Variants in RAPGEF3 observed in about 807,000 individuals in gnomAD.
The protein encoded by RAPGEF3 is 9330170P05Rik.
In RAPGEF3, 103 loss-of-function variants were observed where a neutral mutation model predicts 129.8. The observed-to-expected ratio is 0.79, with a 90% CI of 0.68 to 0.93. RAPGEF3 has a LOEUF of 0.93. RAPGEF3 is among the 40% of genes least tolerant of loss of function. RAPGEF3 has a pLI of 0.00. For missense variants in RAPGEF3, 1,117 were observed against 1,207.4 expected (o/e 0.93, Z 1.11); for synonymous variants, 436 against 482.6 (o/e 0.90, Z 1.26).
intron 16 of RAPGEF3, 22 bp downstream of exon 16, chr12:47,746,838 G>C (rs1941449877): frequency 6.3e-7 from 1 of 1,583,052 alleles, no homozygotes; most frequent in Non-Finnish European, 8.6e-7. Context: ...GCAGAGGAAA[G>C]AAACTGGGGC....
intron 2 of RAPGEF3, among the ~76,000 whole-genome samples, chr12:47,754,805 G>A (rs922309569): frequency 5.9e-5 from 9 of 152,174 alleles, no homozygotes; most frequent in African/African-American, 2.2e-4. Flanking sequence ...CAGCTGATAT[G>A]AGTCAAGGTG....
intron 12 of RAPGEF3, 120 bp from the exon 13 acceptor site, chr12:47,748,272 G>A: frequency 9.9e-7 from 1 of 1,012,134 alleles, no homozygotes; most frequent in Non-Finnish European, 1.5e-6. Context: ...TCCCAGCAGT[G>A]TCCAGCCCCT....
At position 47,748,806 on chromosome 12, in the gene RAPGEF3, G is replaced by A; in HGVS notation, c.1154+13C>T. 6.5e-7 allele frequency: 1 copy of A among 1,545,436 alleles called. No homozygotes were observed. The highest frequency in any genetic ancestry group is 1.1e-5 in the South Asian group (1 of 89,790). On this transcript the variant is annotated intron_variant, in intron 11 of 27. Transcript: ENST00000449771. ...AGGGACAGTGTGGAGAGGGAGCATG[G>A]CAGGTGTATTACCGGTTCCTGCCTG...
Position 47,749,834 on chromosome 12 carries a change from T to A in RAPGEF3, c.818-17A>T. On this transcript the variant is annotated splice_polypyrimidine_tract_variant and intron_variant, in intron 8 of 27. Coordinates refer to ENST00000449771, the MANE Select transcript of RAPGEF3 (RefSeq NM_001098531.4). The surrounding 1 kb of genome is among the most constrained non-coding windows in gnomAD (Gnocchi z 4.5). ...GGCTGAACACTGACAGAAGCATACC[T>A]CAGACCGGGCCCTCCTGGCACCTAC... 6.2e-7 allele frequency: 1 copy of A among 1,614,128 alleles called. No individual in the cohort carries two copies. The highest frequency in any genetic ancestry group is 8.5e-7 in the Non-Finnish European group (1 of 1,179,990).
chr12:47,737,495 A>AGTATCTT lies in RAPGEF3; in HGVS notation c.*65_*71dup. 2 of 1,372,828 alleles carry AGTATCTT rather than the reference A, an allele frequency of 1.5e-6. No individual in the cohort carries two copies. The highest frequency in any genetic ancestry group is 1.2e-5 in the South Asian group (1 of 81,798). 85.0% of individuals were successfully genotyped at this position (1,372,828 alleles called of 1,614,324 possible). On this transcript the variant is annotated 3_prime_UTR_variant, in exon 28 of 28. Coordinates refer to ENST00000449771, the MANE Select transcript of RAPGEF3 (RefSeq NM_001098531.4). The stretch of plus-strand genomic sequence containing the variant: ...CTTGCCCAGCTGTGGCCAGCCTGTG[A>AGTATCTT]GTATCTTGGCCCGGCACACCCTGGC...
Position 47,741,000 on chromosome 12 carries a change from G to C in RAPGEF3, c.1964C>G (p.Ala655Gly). 6.2e-7 allele frequency: 1 copy of C among 1,613,118 alleles called. No individual in the cohort carries two copies. The highest frequency in any genetic ancestry group is 2.2e-5 in the East Asian group (1 of 44,858). The change falls in exon 20 of 28, where the codon GCT becomes GGT. Residue 655 changes from alanine (A) to glycine (G), a missense_variant. Ala to Gly is a moderately conservative substitution (Grantham distance 60). Around this residue, in one of 3 missense-constraint regions of RAPGEF3, gnomAD observed 643 missense variants for 673.4 expected, o/e 0.95. Coordinates refer to ENST00000449771, the MANE Select transcript of RAPGEF3 (RefSeq NM_001098531.4). ...GGCACTCACCAGGTCCAGCCCCTCAGCAGAGCCCACAGTGGGCCCCAGCTG... is the reference window on the plus strand; with the variant it reads ...GGCACTCACCAGGTCCAGCCCCTCACCAGAGCCCACAGTGGGCCCCAGCTG... ...PDQLGPTVGS[A>G]EGLDLVSAKD... is the part of the protein sequence containing the mutation.
At chr12:47,741,241 C>T (rs967548588) in intron 19 of RAPGEF3, 40 of 761,932 alleles carry the variant, frequency 5.2e-5, no homozygotes, top group Non-Finnish European at 7.6e-5. Context: ...CTTTTGGGCT[C>T]CTGTCTCCTG....
chr12:47,743,260 G>A (rs887324252), intron 18 of RAPGEF3, among the ~76,000 whole-genome samples: 1 of 152,236 alleles, frequency 6.6e-6, no homozygotes, highest in Non-Finnish European at 1.5e-5. Context: ...ACTGAGCACA[G>A]AGGGATGAAG....
In RAPGEF3 at chr12:47,737,453, T is replaced by A. The variant is rs115501560; in HGVS notation, c.*114A>T. The A allele has an allele frequency of 8.3e-3, 7,257 of 873,028 alleles. 330 individuals carry two copies. In the African/African-American group the frequency reaches 0.1, roughly 13 times the overall value. 54.1% of individuals were successfully genotyped at this position (873,028 alleles called of 1,614,324 possible). A position where few individuals can be genotyped will look rare whatever the true frequency, so the allele number is the denominator to read the frequency against. On this transcript the variant is annotated 3_prime_UTR_variant, in exon 28 of 28. Transcript: ENST00000449771. ...ACACTGCCTGCTCCAGGGACTCGAG[T>A]CCACTCCACGGAGAGCCTTGCCCAG... is the stretch of plus-strand genomic sequence containing the variant.
chr12:47,749,901 C>T lies in RAPGEF3; in HGVS notation c.817+29G>A, dbSNP rs116982199. The T allele has an allele frequency of 0.017, 26,699 of 1,614,172 alleles. 298 individuals are homozygous for T. The highest frequency in any genetic ancestry group is 0.019 in the Non-Finnish European group (22,429 of 1,179,972). On this transcript the variant is annotated intron_variant, in intron 8 of 27. Transcript: ENST00000449771. The surrounding 1 kb of genome is among the most constrained non-coding windows in gnomAD (Gnocchi z 4.5). ...CTTCTGCCCATGTCCAGGCCCTGTG[C>T]CTGGCTTCTTATGCCCTGCTGGACT...
Position 47,751,628 on chromosome 12 carries a change from T to G in RAPGEF3, c.380+95A>C, listed in dbSNP as rs1941756642. On this transcript the variant is annotated intron_variant, in intron 4 of 27. Coordinates refer to ENST00000449771, the MANE Select transcript of RAPGEF3 (RefSeq NM_001098531.4). ...GAGGCCCAAGCCTGGTTCGTCCCTG[T>G]GCTAGAAGCAGGGTGAGGCCCAGGT... The G allele has an allele frequency of 5.6e-6, 9 of 1,598,210 alleles. No homozygotes were observed. The South Asian group carries it at 9.9e-5, about 18-fold the overall frequency.
In RAPGEF3 at chr12:47,750,434, A is replaced by T. The variant is rs768586720; in HGVS notation, c.672-9T>A. ...CCGTGCGCTGACCTGGGCTGCAGGGACAGGAGGAATGGGAGCACACTGTGA... is the reference window on the plus strand; with the variant it reads ...CCGTGCGCTGACCTGGGCTGCAGGGTCAGGAGGAATGGGAGCACACTGTGA... On this transcript the variant is annotated splice_polypyrimidine_tract_variant and intron_variant, in intron 6 of 27. Coordinates refer to ENST00000449771, the MANE Select transcript of RAPGEF3 (RefSeq NM_001098531.4). 6.2e-7 allele frequency: 1 copy of T among 1,611,186 alleles called. No homozygotes were observed. The highest frequency in any genetic ancestry group is 1.1e-5 in the South Asian group (1 of 90,732).
At chr12:47,741,773 A>G (rs2136749548) in intron 18 of RAPGEF3, 171 bp from the exon 19 acceptor site, 1 of 622,486 alleles carries the variant, frequency 1.6e-6, no homozygotes, top group East Asian at 2.8e-5. Context: ...CCACGCAGCC[A>G]CGCAGCCCAG....
chr12:47,758,009 G>C lies in RAPGEF3; in HGVS notation c.76C>G (p.Pro26Ala), dbSNP rs772984385. The change falls in exon 2 of 28, where the codon CCG (proline) becomes GCG (alanine). Residue 26 changes from proline (P) to alanine (A), a missense_variant. Coordinates refer to ENST00000449771, the MANE Select transcript of RAPGEF3 (RefSeq NM_001098531.4). ...AVEDSPALGA[P>A]RVGALPDVVP... ...ACGTCAGGGAGGGCTCCCACCCGCGGTGCTCCCAGAGCTGGGCTATCCTCC... is the reference window on the plus strand; with the variant it reads ...ACGTCAGGGAGGGCTCCCACCCGCGCTGCTCCCAGAGCTGGGCTATCCTCC... The C allele has an allele frequency of 1.3e-6, 2 of 1,575,056 alleles. No homozygotes were observed. The highest frequency in any genetic ancestry group is 1.7e-6 in the Non-Finnish European group (2 of 1,160,134).
rs1941109176 is a variant in RAPGEF3, at chr12:47,740,774, G to A, written c.2099C>T (p.Thr700Ile). 1.2e-6 allele frequency: 2 copies of A among 1,613,982 alleles called. No homozygotes were observed. Among genetic ancestry groups the A allele is most frequent in the Non-Finnish European group, 1.7e-6 (2 of 1,180,016 alleles). ...VLGPQHLRDV[T>I]TANLERFMRR... ...CATGAAGCGCTCCAGGTTGGCGGTG[G>A]TGACATCCCGCAGATGCTGGGGGCC... Residue 700 changes from threonine (T) to isoleucine (I), a missense_variant, in exon 21 of 28, where the codon ACC (threonine) becomes ATC (isoleucine). Transcript: ENST00000449771.
chr12:47,750,319 G>C, intron 7 of RAPGEF3, 22 bp downstream of exon 7: 9 of 1,607,492 alleles, frequency 5.6e-6, no homozygotes, highest in Non-Finnish European at 7.7e-6. Flanking sequence ...TACGGGGCAG[G>C]GCTGGGAGGG....
chr12:47,739,546 A>G (rs1941013434), intron 23 of RAPGEF3: 1 of 552,836 alleles, frequency 1.8e-6, no homozygotes, highest in Non-Finnish European at 3.3e-6. Context: ...TCTGCAGAGT[A>G]AACTCCTTTG....
chr12:47,757,924 C>A lies in RAPGEF3; in HGVS notation c.161G>T (p.Cys54Phe). Residue 54 changes from cysteine (C) to phenylalanine (F), a missense_variant, in exon 2 of 28, where the codon TGC becomes TTC. Transcript: ENST00000449771. ...GTGCTCCAGCAGCAGCTGGTAGGAG[C>A]AGCTTCGGGGCCGGTGCATCCTTCT... ...VLRRMHRPRSCSYQLLLEHQR... is the reference protein window; with the variant it reads ...VLRRMHRPRSFSYQLLLEHQR... 6.4e-7 allele frequency: 1 copy of A among 1,556,842 alleles called. No homozygotes were observed. The highest frequency in any genetic ancestry group is 2.4e-5 in the East Asian group (1 of 41,740).
At chr12:47,740,278 G>A in intron 22 of RAPGEF3, 27 bp downstream of exon 22, 1 of 1,611,628 alleles carries the variant, frequency 6.2e-7, no homozygotes, top group Non-Finnish European at 8.5e-7. Flanking sequence ...CCTGACCTCA[G>A]GAGGGGGCCC....
Sources: allele counts gnomAD v4.1 joint callset (sites outside exome capture counted in the v4.1 genomes callset), GRCh38; gene constraint gnomAD v4.1.1; regional missense constraint gnomAD v4.1.1; non-coding constraint Gnocchi (gnomAD v3.1); transcripts MANE v1.5; gene names NCBI Gene and HGNC (gene_info 2026-07-23, HGNC 2026-07-21).